The following BNC2 variants were observed in gnomAD, a reference collection of about 807,000 sequenced individuals.
BNC2 encodes the protein zinc finger protein basonuclin-2.
A neutral mutation model predicts 76.3 loss-of-function variants in BNC2; 20 were observed. The ratio of observed to expected loss-of-function variants is 0.26; its 90% CI spans 0.18 to 0.38. The LOEUF (loss-of-function observed/expected upper bound fraction) is 0.38, where lower values mean the gene tolerates loss of function less well. BNC2 is among the 10% of genes least tolerant of loss of function. The probability of loss-of-function intolerance (pLI) is 1.00; values close to 1 mark genes in which losing one functional copy is unlikely to be tolerated. For missense variants in BNC2, 1,382 were observed against 1,399.8 expected, an observed-to-expected ratio of 0.99 and a Z score of 0.20; for synonymous variants, 582 against 514.8, an observed-to-expected ratio of 1.13 and a Z score of -1.77.
intron 5 of BNC2, among the ~76,000 whole-genome samples, chr9:16,533,101 GAGAA>G (rs1449321472): frequency 4.6e-5 from 7 of 152,222 alleles, no homozygotes; most frequent in Admixed American, 2.6e-4. Context: ...GGAAAAAGAA[GAGAA>G]AGAGATAATT....
At chr9:16,821,301 G>C (rs1055730193) in intron 1 of BNC2, among the ~76,000 whole-genome samples, 2 of 151,936 alleles carry the variant, frequency 1.3e-5, no homozygotes, top group Non-Finnish European at 1.5e-5. Context: ...AACAGCAACA[G>C]GGTCTGCAGG....
In BNC2 at chr9:16,418,430, GT is replaced by G. The variant is rs1820630907; in HGVS notation, c.*558del. 3 of 131,134 alleles carry G rather than the reference GT, an allele frequency of 2.3e-5. No homozygotes were observed. The South Asian group carries it at 8.5e-4, about 37-fold the overall frequency. The allele number at this position is 131,134 out of a possible 1,614,324, so 8.1% of individuals were successfully genotyped here. A position where few individuals can be genotyped will look rare whatever the true frequency, so the allele number is the denominator to read the frequency against. Reference sequence around the variant, plus strand: ...AAGTTAAACAACCATCAATACAATTGTTTTACATCAATGGCCCCTCAAGGCT... The same window carrying G: ...AAGTTAAACAACCATCAATACAATTGTTTACATCAATGGCCCCTCAAGGCT... On this transcript the variant is annotated 3_prime_UTR_variant, in exon 7 of 7. Transcript: ENST00000380672.
At chr9:16,825,818 AT>A (rs1443791438) in intron 1 of BNC2, among the ~76,000 whole-genome samples, 1 of 152,168 alleles carries the variant, frequency 6.6e-6, no homozygotes, top group Non-Finnish European at 1.5e-5. Flanking sequence ...TGTTCATTAA[AT>A]TGTGAAAATA....
At position 16,411,621 on chromosome 9, in the gene BNC2, C is replaced by T. The variant is rs1309064655; in HGVS notation, c.*7368G>A. ...TAAGAAGTATCATGTCAACTAATTG[C>T]CTTTGCTCGAACCCAAGAGTCCTTG... On this transcript the variant is annotated 3_prime_UTR_variant, in exon 7 of 7. Coordinates refer to ENST00000380672, the MANE Select transcript of BNC2 (RefSeq NM_017637.6). 6.6e-6 allele frequency: 1 copy of T among 152,536 alleles called. No individual in the cohort carries two copies. Among genetic ancestry groups the T allele is most frequent in the Non-Finnish European group, 1.5e-5 (1 of 68,028 alleles). 9.4% of individuals were successfully genotyped at this position (152,536 alleles called of 1,614,324 possible).
chr9:16,587,314 A>G (rs1043305529), intron 3 of BNC2, among the ~76,000 whole-genome samples: 4 of 151,986 alleles, frequency 2.6e-5, no homozygotes, highest in African/African-American at 9.6e-5. Context: ...TTCAGGTTCA[A>G]GCAATCCTCC....
intron 5 of BNC2, among the ~76,000 whole-genome samples, chr9:16,513,484 T>C (rs28555116): frequency 6.6e-6 from 1 of 151,812 alleles, no homozygotes; most frequent in East Asian, 2.0e-4. Flanking sequence ...TTTTTTGTAT[T>C]TTTAGTGGAG....
At chr9:16,677,673 C>G (rs187721858) in intron 3 of BNC2, among the ~76,000 whole-genome samples, 157 of 151,768 alleles carry the variant, frequency 1.0e-3, no homozygotes, top group African/African-American at 3.4e-3. Context: ...AGGGGAAACA[C>G]AAGTGTTTCA....
chr9:16,639,525 C>G (rs183130292), intron 3 of BNC2, among the ~76,000 whole-genome samples: 3 of 152,070 alleles, frequency 2.0e-5, no homozygotes, highest in Non-Finnish European at 4.4e-5. Context: ...AGTGCCTCTT[C>G]GTTAATTCTC....
At chr9:16,421,097 G>C (rs970930309) in intron 6 of BNC2, among the ~76,000 whole-genome samples, 1 of 152,130 alleles carries the variant, frequency 6.6e-6, no homozygotes, top group Non-Finnish European at 1.5e-5. Flanking sequence ...GGTGACAAAC[G>C]TGGGTGATAT....
At chr9:16,810,492 C>A (rs1432512669) in intron 1 of BNC2, among the ~76,000 whole-genome samples, 4 of 152,186 alleles carry the variant, frequency 2.6e-5, no homozygotes, top group African/African-American at 9.7e-5. Context: ...GTCTGTGAAA[C>A]CAGATGCTGC....
At chr9:16,435,519 A>G (rs775501892) in intron 6 of BNC2, 36 bp downstream of exon 6, 19 of 1,611,056 alleles carry the variant, frequency 1.2e-5, no homozygotes, top group Admixed American at 3.3e-5. Context: ...GGCACCCTCC[A>G]CCCCCAGCAG....
intron 1 of BNC2, 61 bp from the exon 2 acceptor site, chr9:16,738,546 A>G: frequency 4.7e-6 from 7 of 1,495,530 alleles, no homozygotes; most frequent in Non-Finnish European, 6.2e-6. Context: ...AAAAGCATTG[A>G]GTACATCAAA....
intron 5 of BNC2, among the ~76,000 whole-genome samples, chr9:16,475,456 G>T (rs1184879798): frequency 1.3e-5 from 2 of 149,280 alleles, no homozygotes; most frequent in Non-Finnish European, 3.0e-5. Context: ...CCAGGAAGAC[G>T]CAAAACCATT....
rs868219313 is a variant in BNC2, at chr9:16,446,379, T to C, written c.670-8855A>G. 2.6e-5 allele frequency among the ~76,000 whole-genome samples: 4 copies of C among 152,116 alleles called. No homozygotes were observed. In the South Asian group the frequency reaches 8.3e-4, roughly 32 times the overall value. The stretch of plus-strand genomic sequence containing the variant: ...GAGCATGGCCCTTGACTCTAGTTTT[T>C]AGAAGGAAGAAGCAACATGATAATT... On this transcript the variant is annotated intron_variant, in intron 5 of 6. Transcript: ENST00000380672.
chr9:16,838,738 C>T (rs542044133), intron 1 of BNC2, among the ~76,000 whole-genome samples: 19 of 152,290 alleles, frequency 1.2e-4, no homozygotes, highest in African/African-American at 4.6e-4. Flanking sequence ...CACCTGGTAG[C>T]TCACAGTTGC....
intron 4 of BNC2, among the ~76,000 whole-genome samples, chr9:16,579,627 T>C (rs188107292): frequency 5.9e-5 from 9 of 152,214 alleles, no homozygotes; most frequent in Admixed American, 2.0e-4. Context: ...TTTTGTAAAG[T>C]AGTTAACGTC....
chr9:16,418,881 A>G lies in BNC2; in HGVS notation c.*108T>C, dbSNP rs1304822835. 26 of 1,219,236 alleles carry G rather than the reference A, an allele frequency of 2.1e-5. No individual in the cohort carries two copies. Among genetic ancestry groups the G allele is most frequent in the Admixed American group, 3.4e-5 (2 of 58,984 alleles). The allele number at this position is 1,219,236 out of a possible 1,614,324, so 75.5% of individuals were successfully genotyped here. A position where few individuals can be genotyped will look rare whatever the true frequency, so the allele number is the denominator to read the frequency against. ...ACAGAGCATACATAAATGCACACAC[A>G]CACACACACACACACACACCCCAAG... On this transcript the variant is annotated 3_prime_UTR_variant, in exon 7 of 7. Transcript: ENST00000380672.
At chr9:16,591,268 A>T (rs969249358) in intron 3 of BNC2, among the ~76,000 whole-genome samples, 1 of 152,210 alleles carries the variant, frequency 6.6e-6, no homozygotes, top group Non-Finnish European at 1.5e-5. Context: ...ACAAGACTAC[A>T]TATCAATTTC....
chr9:16,726,760 G>A (rs546140379), intron 3 of BNC2: 1 of 152,128 alleles, frequency 6.6e-6, no homozygotes. Context: ...GTTTGGTGTA[G>A]GCTTTGGAAA....
Sources: allele counts gnomAD v4.1 joint callset (sites outside exome capture counted in the v4.1 genomes callset), GRCh38; gene constraint gnomAD v4.1.1; transcripts MANE v1.5; gene names NCBI Gene and HGNC (gene_info 2026-07-23, HGNC 2026-07-21).